The following LTBP1 variants were observed in gnomAD, a reference collection of about 807,000 sequenced individuals.
LTBP1 encodes latent transforming growth factor beta binding protein 1, also known as latent-transforming growth factor beta-binding protein 1.
Under a neutral mutation model 207.6 loss-of-function variants are expected in LTBP1, and 129 were observed. The observed-to-expected ratio is 0.62, with a 90% confidence interval of 0.54 to 0.72. The LOEUF (loss-of-function observed/expected upper bound fraction) is 0.72. Among genes scored for constraint, LTBP1 ranks in the 30% least tolerant of loss-of-function variants. The pLI is 0.00. For missense variants in LTBP1, 2,281 were observed against 2,217.2 expected (o/e 1.03, Z -0.58); for synonymous variants, 963 against 833.7 (o/e 1.16, Z -2.67).
chr2:33,170,877 C>T (rs555785445), intron 5 of LTBP1, among the ~76,000 whole-genome samples: 36 of 151,984 alleles, frequency 2.4e-4, no homozygotes, highest in African/African-American at 6.0e-4. Flanking sequence ...CTACAGCCAC[C>T]GCTGCTGGTA....
intron 31 of LTBP1, among the ~76,000 whole-genome samples, chr2:33,381,888 G>A (rs116474895): frequency 1.3e-5 from 2 of 152,178 alleles, no homozygotes; most frequent in Admixed American, 6.5e-5. Flanking sequence ...ATTAAAAAGT[G>A]TAGTTTTCTT....
intron 10 of LTBP1, among the ~76,000 whole-genome samples, chr2:33,246,810 G>A (rs1268454708): frequency 6.6e-6 from 1 of 152,146 alleles, no homozygotes; most frequent in Non-Finnish European, 1.5e-5. Context: ...CGCTTGCCTT[G>A]GCTTAGCCAA....
chr2:33,229,377 G>T (rs971668861), intron 9 of LTBP1, among the ~76,000 whole-genome samples: 3 of 152,078 alleles, frequency 2.0e-5, no homozygotes, highest in African/African-American at 7.2e-5. Flanking sequence ...GAGAAGCTGA[G>T]GCAGAAGGGT....
At chr2:33,284,933 C>T (rs1394888545) in intron 19 of LTBP1, among the ~76,000 whole-genome samples, 1 of 152,150 alleles carries the variant, frequency 6.6e-6, no homozygotes, top group East Asian at 1.9e-4. Context: ...ATGCTACAAC[C>T]CTTTTTCCCC....
At chr2:33,096,934 G>C (rs2079432358) in intron 3 of LTBP1, among the ~76,000 whole-genome samples, 1 of 152,112 alleles carries the variant, frequency 6.6e-6, no homozygotes, top group Non-Finnish European at 1.5e-5. Flanking sequence ...TGGTGGTGGT[G>C]GTTTTCTATC....
chr2:33,303,894 T>C (rs2094040145), intron 22 of LTBP1, among the ~76,000 whole-genome samples: 1 of 152,124 alleles, frequency 6.6e-6, no homozygotes, highest in African/African-American at 2.4e-5. Context: ...GCACTAAAAA[T>C]GTAAACTGAC....
intron 19 of LTBP1, among the ~76,000 whole-genome samples, chr2:33,283,678 C>T (rs1259518304): frequency 6.6e-6 from 1 of 152,034 alleles, no homozygotes; most frequent in African/African-American, 2.4e-5. Flanking sequence ...CCTCGTGATC[C>T]ACCCGCCTCG....
Position 33,298,664 on chromosome 2 carries a change from C to A in LTBP1, c.3236-1787C>A, listed in dbSNP as rs535110223. Among the ~76,000 whole-genome samples, 7 of 152,288 alleles carry A rather than the reference C, an allele frequency of 4.6e-5. No homozygotes were observed. The South Asian group carries it at 1.5e-3, about 32-fold the overall frequency. ...CAGTGTTTGAAAGGTATAAAATAAT[C>A]TTTAAAATGAAAGTTACCTTGTTTA... On this transcript the variant is annotated intron_variant, in intron 20 of 33. Coordinates refer to ENST00000404816, the MANE Select transcript of LTBP1 (RefSeq NM_206943.4).
intron 19 of LTBP1, among the ~76,000 whole-genome samples, chr2:33,291,032 A>G (rs967018060): frequency 6.6e-6 from 1 of 152,202 alleles, no homozygotes; most frequent in Non-Finnish European, 1.5e-5. Flanking sequence ...CTATTTTCTC[A>G]GGAGCATAGT....
chr2:33,320,235 C>T (rs2094334797), intron 24 of LTBP1, among the ~76,000 whole-genome samples: 1 of 151,706 alleles, frequency 6.6e-6, no homozygotes, highest in Non-Finnish European at 1.5e-5. Context: ...TGGTTGTGGC[C>T]GTGCACACCT....
At chr2:33,096,558 A>G (rs1348363627) in intron 3 of LTBP1, among the ~76,000 whole-genome samples, 1 of 152,226 alleles carries the variant, frequency 6.6e-6, no homozygotes, top group Non-Finnish European at 1.5e-5. Flanking sequence ...GAACGACAAC[A>G]GGATCATTGG....
At chr2:33,287,430 A>G (rs976702065) in intron 19 of LTBP1, among the ~76,000 whole-genome samples, 1 of 152,246 alleles carries the variant, frequency 6.6e-6, no homozygotes, top group African/African-American at 2.4e-5. Flanking sequence ...AAACAATATA[A>G]TGAAGACAAT....
At chr2:33,020,467 C>A (rs188922621) in intron 2 of LTBP1, among the ~76,000 whole-genome samples, 1 of 152,122 alleles carries the variant, frequency 6.6e-6, no homozygotes, top group Admixed American at 6.5e-5. Context: ...CATTTTCTTA[C>A]GATTTTTCCT....
rs527694487 is a variant in LTBP1, at chr2:33,208,462, C to T, written c.1702-9090C>T. Among the ~76,000 whole-genome samples the T allele has an allele frequency of 1.2e-3, 189 of 152,266 alleles. 1 individual carries two copies. The highest frequency in any genetic ancestry group is 4.4e-3 in the African/African-American group (183 of 41,552). On this transcript the variant is annotated intron_variant, in intron 7 of 33. Transcript: ENST00000404816. ...GCTGCCCTTTGTGTGTACAGGTTAG[C>T]AGGAAAGGGCTGGCATGACGTAGGG...
intron 23 of LTBP1, among the ~76,000 whole-genome samples, chr2:33,312,687 A>G (rs1289839771): frequency 1.3e-5 from 2 of 152,146 alleles, no homozygotes; most frequent in African/African-American, 4.8e-5. Flanking sequence ...TCCTGGAAAA[A>G]AAAAAAGTCT....
intron 2 of LTBP1, among the ~76,000 whole-genome samples, chr2:32,994,334 AT>A (rs1299486079): frequency 6.6e-6 from 1 of 152,074 alleles, no homozygotes; most frequent in African/African-American, 2.4e-5. Flanking sequence ...TATTATGCTA[AT>A]TTTACAGATC....
At chr2:33,364,855 ACTG>A (rs1351418391) in intron 30 of LTBP1, among the ~76,000 whole-genome samples, 2 of 152,192 alleles carry the variant, frequency 1.3e-5, no homozygotes, top group Non-Finnish European at 2.9e-5. Context: ...GCCTCAGGAG[ACTG>A]CTTTGGATGA....
chr2:33,203,129 C>T (rs548178556), intron 7 of LTBP1, among the ~76,000 whole-genome samples: 4 of 152,316 alleles, frequency 2.6e-5, no homozygotes, highest in East Asian at 1.9e-4. Context: ...ACCTTACCTG[C>T]GTCAACAGCT....
At chr2:33,377,762 G>A (rs549283483) in intron 31 of LTBP1, among the ~76,000 whole-genome samples, 8 of 152,258 alleles carry the variant, frequency 5.3e-5, no homozygotes, top group African/African-American at 1.9e-4. Flanking sequence ...ATAAAGAACA[G>A]TTCTTCATGG....
Sources: allele counts gnomAD v4.1 joint callset (sites outside exome capture counted in the v4.1 genomes callset), GRCh38; gene constraint gnomAD v4.1.1; transcripts MANE v1.5; gene names NCBI Gene and HGNC (gene_info 2026-07-23, HGNC 2026-07-21).